Variants in KCNQ5 observed in about 807,000 individuals in gnomAD.
KCNQ5 encodes potassium voltage-gated channel subfamily Q member 5, also known as potassium voltage-gated channel subfamily KQT member 5.
A neutral mutation model predicts 98.2 loss-of-function variants in KCNQ5; 30 were observed. That is an observed-to-expected ratio of 0.31 (90% confidence interval 0.23 to 0.41). KCNQ5 has a LOEUF of 0.41. KCNQ5 is among the 10% of genes least tolerant of loss of function. The pLI is 1.00. For missense variants in KCNQ5, 835 were observed against 1,182.5 expected, an observed-to-expected ratio of 0.71 and a Z score of 4.31; for synonymous variants, 458 against 449.4, an observed-to-expected ratio of 1.02 and a Z score of -0.24.
intron 1 of KCNQ5, among the ~76,000 whole-genome samples, chr6:72,896,928 T>TTTTG (rs200194541): frequency 2.0e-5 from 3 of 151,460 alleles, no homozygotes; most frequent in Non-Finnish European, 4.4e-5. Flanking sequence ...AGTCCTGGTT[T>TTTTG]TTTGTTTGTT....
chr6:73,057,004 T>A (rs1050350630), intron 3 of KCNQ5, among the ~76,000 whole-genome samples: 1 of 152,182 alleles, frequency 6.6e-6, no homozygotes, highest in African/African-American at 2.4e-5. Context: ...TTATAAATCA[T>A]GCTGCTATAA....
At chr6:72,797,846 A>G (rs1263465355) in intron 1 of KCNQ5, among the ~76,000 whole-genome samples, 1 of 152,066 alleles carries the variant, frequency 6.6e-6, no homozygotes, top group Non-Finnish European at 1.5e-5. Context: ...ATTATTAAAA[A>G]CTCATGAATT....
At chr6:72,987,335 G>A (rs1768832511) in intron 1 of KCNQ5, 2 of 711,914 alleles carry the variant, frequency 2.8e-6, no homozygotes, top group African/African-American at 1.7e-5. Flanking sequence ...ACATAGACCA[G>A]GTGAGGCGAA....
chr6:72,742,150 G>A (rs1278953112), intron 1 of KCNQ5, among the ~76,000 whole-genome samples: 3 of 152,280 alleles, frequency 2.0e-5, no homozygotes, highest in African/African-American at 4.8e-5. Flanking sequence ...ACTTGTGGTC[G>A]GGGGAAGGGT....
intron 2 of KCNQ5, among the ~76,000 whole-genome samples, chr6:73,015,826 C>T (rs1196225371): frequency 6.6e-6 from 1 of 152,138 alleles, no homozygotes; most frequent in Non-Finnish European, 1.5e-5. Flanking sequence ...ACTATCTTTC[C>T]ATGCTGTGAT....
chr6:72,879,488 A>T (rs1778556782), intron 1 of KCNQ5, among the ~76,000 whole-genome samples: 1 of 152,086 alleles, frequency 6.6e-6, no homozygotes, highest in South Asian at 2.1e-4. Context: ...TTCCTAAATG[A>T]TGTTTCATAT....
chr6:73,116,391 G>A lies in KCNQ5; in HGVS notation c.1126-4092G>A, dbSNP rs561262054. Among the ~76,000 whole-genome samples the A allele has an allele frequency of 1.7e-3, 260 of 152,172 alleles. 1 individual carries two copies. The highest frequency in any genetic ancestry group is 5.8e-3 in the African/African-American group (242 of 41,542). On this transcript the variant is annotated intron_variant, in intron 7 of 13. Coordinates refer to ENST00000370398, the MANE Select transcript of KCNQ5 (RefSeq NM_019842.4). ...TAAAAATAAGCATTCTTGGCTGGACGCAAGTGGCTCATGCCTGCAACCCCC... is the reference window on the plus strand; with the variant it reads ...TAAAAATAAGCATTCTTGGCTGGACACAAGTGGCTCATGCCTGCAACCCCC...
intron 1 of KCNQ5, among the ~76,000 whole-genome samples, chr6:72,651,891 A>G (rs1028005575): frequency 2.0e-5 from 3 of 152,094 alleles, no homozygotes; most frequent in Non-Finnish European, 4.4e-5. Flanking sequence ...TTATAACACA[A>G]TAACACTTTT....
intron 10 of KCNQ5, among the ~76,000 whole-genome samples, chr6:73,140,144 T>C (rs886135431): frequency 6.6e-6 from 1 of 152,212 alleles, no homozygotes; most frequent in Non-Finnish European, 1.5e-5. Flanking sequence ...GTCTCTTGTA[T>C]CCATAATGGC....
At chr6:72,698,629 G>A (rs11967402) in intron 1 of KCNQ5, among the ~76,000 whole-genome samples, 2,150 of 131,970 alleles carry the variant, frequency 0.016, 54 homozygotes, top group African/African-American at 0.059. Flanking sequence ...AAGTAAATCT[G>A]TGTTTTTTTC....
At chr6:72,848,527 G>A (rs1777109248) in intron 1 of KCNQ5, among the ~76,000 whole-genome samples, 2 of 152,132 alleles carry the variant, frequency 1.3e-5, no homozygotes, top group Non-Finnish European at 2.9e-5. Flanking sequence ...TGTGCAATTT[G>A]GAATGAAGAG....
chr6:72,818,548 T>A (rs984555504), intron 1 of KCNQ5, among the ~76,000 whole-genome samples: 27 of 151,888 alleles, frequency 1.8e-4, no homozygotes, highest in African/African-American at 6.5e-4. Flanking sequence ...TACATAAACA[T>A]TGCCCTTAAT....
chr6:72,964,410 T>G (rs1767511011), intron 1 of KCNQ5, among the ~76,000 whole-genome samples: 1 of 152,230 alleles, frequency 6.6e-6, no homozygotes, highest in Non-Finnish European at 1.5e-5. Context: ...TAGGTTTTCA[T>G]GTTGTAATTC....
At chr6:72,942,158 A>G (rs1298799235) in intron 1 of KCNQ5, among the ~76,000 whole-genome samples, 5 of 152,220 alleles carry the variant, frequency 3.3e-5, no homozygotes, top group African/African-American at 1.2e-4. Flanking sequence ...GATTTCAGAG[A>G]AATAGAACAA....
chr6:72,760,950 A>G (rs1772239039), intron 1 of KCNQ5, among the ~76,000 whole-genome samples: 1 of 152,186 alleles, frequency 6.6e-6, no homozygotes, highest in Non-Finnish European at 1.5e-5. Flanking sequence ...GTCCATGGTC[A>G]CAGCCAGATT....
intron 1 of KCNQ5, among the ~76,000 whole-genome samples, chr6:72,784,046 G>A (rs1325674887): frequency 6.6e-6 from 1 of 152,170 alleles, no homozygotes; most frequent in Non-Finnish European, 1.5e-5. Flanking sequence ...ATTCCAACAT[G>A]AGGAGCTGCC....
At chr6:73,098,162 C>A (rs553005192) in intron 5 of KCNQ5, among the ~76,000 whole-genome samples, 5 of 152,026 alleles carry the variant, frequency 3.3e-5, no homozygotes, top group African/African-American at 7.2e-5. Context: ...CCCTTAATAG[C>A]AGAATTGATC....
At chr6:72,735,691 TGGTG>T (rs1446679787) in intron 1 of KCNQ5, among the ~76,000 whole-genome samples, 2 of 152,078 alleles carry the variant, frequency 1.3e-5, no homozygotes, top group African/African-American at 4.8e-5. Flanking sequence ...AGATTACTAT[TGGTG>T]ACTAGTAGTT....
rs867755494 is a variant in KCNQ5 at position 72,686,717 on chromosome 6, G to T, written c.398+64130G>T. Among the ~76,000 whole-genome samples, 644 of 96,734 alleles carry T rather than the reference G, an allele frequency of 6.7e-3. 2 individuals carry two copies. Among genetic ancestry groups the T allele is most frequent in the Middle Eastern group, 0.022 (3 of 138 alleles). 63.5% of individuals were successfully genotyped at this position (96,734 alleles called of 152,430 possible). A position where few individuals can be genotyped will look rare whatever the true frequency, so the allele number is the denominator to read the frequency against. On this transcript the variant is annotated intron_variant, in intron 1 of 13. Transcript: ENST00000370398. ...TTTAGTTTGAGAATCTTTATGGGTTGTTTTTTTTTTTTTTTTTTTTACTTT... is the reference window on the plus strand; with the variant it reads ...TTTAGTTTGAGAATCTTTATGGGTTTTTTTTTTTTTTTTTTTTTTTACTTT...
Sources: gnomAD v4.1 joint callset for allele counts (sites outside exome capture counted in the v4.1 genomes callset) on GRCh38, gnomAD v4.1.1 for gene constraint, MANE v1.5 for transcripts, NCBI Gene and HGNC (gene_info 2026-07-23, HGNC 2026-07-21) for gene names.